STK32B: variants seen among roughly 807,000 people sequenced by gnomAD.
The protein encoded by STK32B is serine/threonine-protein kinase 32B.
A neutral mutation model predicts 52.6 loss-of-function variants in STK32B; 43 were observed. That is an observed-to-expected ratio of 0.82 (90% CI 0.64 to 1.05). The LOEUF is 1.05. Among genes scored for constraint, STK32B ranks in the 50% least tolerant of loss-of-function variants. The probability of loss-of-function intolerance (pLI) is 0.00; values close to 1 mark genes in which losing one functional copy is unlikely to be tolerated. For missense variants in STK32B, 621 were observed against 534.6 expected, an observed-to-expected ratio of 1.16 and a Z score of -1.59; for synonymous variants, 238 against 204.3, an observed-to-expected ratio of 1.17 and a Z score of -1.41.
chr4:5,112,533 T>G, intron 1 of STK32B, among the ~76,000 whole-genome samples: 1 of 152,128 alleles, frequency 6.6e-6, no homozygotes, highest in Middle Eastern at 3.2e-3. Context: ...GGGTCAGCCT[T>G]TAGTTCTCTT....
At chr4:5,150,597 G>T (rs2108844857) in intron 2 of STK32B, among the ~76,000 whole-genome samples, 1 of 151,480 alleles carries the variant, frequency 6.6e-6, no homozygotes, top group South Asian at 2.1e-4. Flanking sequence ...TAACTGGACT[G>T]CTTTCAGCTT....
chr4:5,274,128 C>A (rs948490402), intron 3 of STK32B, among the ~76,000 whole-genome samples: 1 of 151,982 alleles, frequency 6.6e-6, no homozygotes, highest in Non-Finnish European at 1.5e-5. Flanking sequence ...TAGAAATTGA[C>A]AAACTATTTC....
At chr4:5,347,362 T>TG (rs1218282854) in intron 4 of STK32B, among the ~76,000 whole-genome samples, 1 of 152,200 alleles carries the variant, frequency 6.6e-6, no homozygotes, top group Non-Finnish European at 1.5e-5. Context: ...AACATAAACA[T>TG]GATCTCCCCA....
intron 1 of STK32B, among the ~76,000 whole-genome samples, chr4:5,114,600 T>C (rs138909621): frequency 8.6e-4 from 131 of 152,314 alleles, no homozygotes; most frequent in African/African-American, 2.9e-3. Flanking sequence ...ACTGCTTTAA[T>C]TAAATGCCAG....
chr4:5,374,073 A>T (rs1272284559), intron 4 of STK32B, among the ~76,000 whole-genome samples: 7 of 152,208 alleles, frequency 4.6e-5, no homozygotes, highest in Non-Finnish European at 8.8e-5. Flanking sequence ...CAGAGGGGAG[A>T]AGGCCATGTG....
intron 1 of STK32B, among the ~76,000 whole-genome samples, chr4:5,110,861 C>A (rs1241188000): frequency 2.0e-5 from 3 of 151,732 alleles, no homozygotes; most frequent in African/African-American, 7.3e-5. Flanking sequence ...ACAAGTTATG[C>A]CCTCAACAAA....
chr4:5,380,873 G>A lies in STK32B; in HGVS notation c.435-17334G>A, dbSNP rs534268189. Reference sequence around the variant, plus strand: ...AATTGAGACTCAGAGGAGGGAAGGCGCCTGTTCAAGGTCCTGCAGCTCATC... The same window carrying A: ...AATTGAGACTCAGAGGAGGGAAGGCACCTGTTCAAGGTCCTGCAGCTCATC... On this transcript the variant is annotated intron_variant, in intron 4 of 11. Coordinates refer to ENST00000282908, the MANE Select transcript of STK32B (RefSeq NM_018401.3). The surrounding 1 kb of genome is among the most constrained non-coding windows in gnomAD (Gnocchi z 4.3). Among the ~76,000 whole-genome samples, 20 of 152,186 alleles carry A rather than the reference G, an allele frequency of 1.3e-4. No individual in the cohort carries two copies. The highest frequency in any genetic ancestry group is 3.4e-4 in the African/African-American group (14 of 41,510).
chr4:5,112,860 A>G (rs1714480674), intron 1 of STK32B, among the ~76,000 whole-genome samples: 1 of 152,182 alleles, frequency 6.6e-6, no homozygotes, highest in Non-Finnish European at 1.5e-5. Context: ...TTGACAGATG[A>G]ATGTGACTGA....
intron 1 of STK32B, among the ~76,000 whole-genome samples, chr4:5,137,702 G>T (rs1454966102): frequency 6.6e-6 from 1 of 152,214 alleles, no homozygotes; most frequent in East Asian, 1.9e-4. Flanking sequence ...GAGCAGACTG[G>T]CTCCAGGGAA....
intron 3 of STK32B, among the ~76,000 whole-genome samples, chr4:5,282,164 G>T (rs1728241708): frequency 6.6e-6 from 1 of 152,098 alleles, no homozygotes; most frequent in Non-Finnish European, 1.5e-5. Context: ...CATGAGGGAT[G>T]CATTCCAAAA....
At chr4:5,027,415 G>A in the STK32B span, among the ~76,000 whole-genome samples, 2 of 152,178 alleles carry the variant, frequency 1.3e-5, no homozygotes, top group African/African-American at 2.4e-5. Context: ...TACACAGAAA[G>A]GACTCAGAGA....
chr4:5,403,980 G>A (rs28603003), intron 5 of STK32B, among the ~76,000 whole-genome samples: 8,097 of 151,674 alleles, frequency 0.053, 706 homozygotes, highest in African/African-American at 0.18. Context: ...GCTGTTCTAC[G>A]TGTCCTGGGG....
chr4:5,231,438 C>A (rs947989901), intron 3 of STK32B, among the ~76,000 whole-genome samples: 1 of 152,046 alleles, frequency 6.6e-6, no homozygotes, highest in Non-Finnish European at 1.5e-5. Context: ...TGGCAAAACC[C>A]CATTTCTACT....
chr4:5,162,149 G>A (rs1718497675), intron 2 of STK32B, among the ~76,000 whole-genome samples: 1 of 152,148 alleles, frequency 6.6e-6, no homozygotes, highest in Non-Finnish European at 1.5e-5. Flanking sequence ...CACAGCTCTA[G>A]CCTCTCTGTT....
At chr4:5,171,821 G>A (rs963114676) in intron 3 of STK32B, among the ~76,000 whole-genome samples, 3 of 150,684 alleles carry the variant, frequency 2.0e-5, no homozygotes, top group Non-Finnish European at 4.5e-5. Flanking sequence ...GAACTTTAAA[G>A]TAGTTTTTTC....
At chr4:5,157,491 A>G (rs916476605) in intron 2 of STK32B, among the ~76,000 whole-genome samples, 1 of 152,176 alleles carries the variant, frequency 6.6e-6, no homozygotes, top group Non-Finnish European at 1.5e-5. Flanking sequence ...GGCAACAGAG[A>G]CAGCCTCTCC....
intron 3 of STK32B, among the ~76,000 whole-genome samples, chr4:5,183,510 A>G (rs1720514160): frequency 1.3e-5 from 2 of 152,196 alleles, no homozygotes; most frequent in South Asian, 2.1e-4. Flanking sequence ...AAAAAATAAA[A>G]TAAAACCGGC....
At chr4:5,062,438 C>G (rs185793096) in intron 1 of STK32B, among the ~76,000 whole-genome samples, 202 of 152,284 alleles carry the variant, frequency 1.3e-3, no homozygotes, top group Middle Eastern at 3.4e-3. Flanking sequence ...CCTGAAGCTC[C>G]TTGAATGTCC....
At chr4:5,305,692 T>G (rs905991950) in intron 3 of STK32B, among the ~76,000 whole-genome samples, 1 of 152,130 alleles carries the variant, frequency 6.6e-6, no homozygotes, top group Non-Finnish European at 1.5e-5. Flanking sequence ...TTTGTTTGTT[T>G]CCATTTTATT....
Sources: allele counts gnomAD v4.1 joint callset (sites outside exome capture counted in the v4.1 genomes callset), GRCh38; gene constraint gnomAD v4.1.1; non-coding constraint Gnocchi (gnomAD v3.1); transcripts MANE v1.5; gene names NCBI Gene and HGNC (gene_info 2026-07-23, HGNC 2026-07-21).